The following STK24 variants were observed in gnomAD, a reference collection of about 807,000 sequenced individuals.
The protein encoded by STK24 is serine/threonine-protein kinase 24.
In STK24, 21 loss-of-function variants were observed where a neutral mutation model predicts 55.6. The ratio of observed to expected loss-of-function variants is 0.38; its 90% CI spans 0.27 to 0.54. The LOEUF (loss-of-function observed/expected upper bound fraction) is 0.54. Ranked by LOEUF, STK24 falls within the 20% of genes least tolerant of loss-of-function variation. The pLI, the probability that STK24 is intolerant of heterozygous loss-of-function variation, is 0.79. For missense variants in STK24, 383 were observed against 538.4 expected, an observed-to-expected ratio of 0.71 and a Z score of 2.86; for synonymous variants, 200 against 215.2, an observed-to-expected ratio of 0.93 and a Z score of 0.62.
At chr13:98,513,864 T>C (rs1227668635) in intron 2 of STK24, among the ~76,000 whole-genome samples, 1 of 152,158 alleles carries the variant, frequency 6.6e-6, no homozygotes, top group Non-Finnish European at 1.5e-5. Context: ...CAAGCATATA[T>C]CTGAACTAAA....
intron 2 of STK24, among the ~76,000 whole-genome samples, chr13:98,493,839 A>T (rs1339638613): frequency 2.1e-4 from 30 of 141,562 alleles, no homozygotes; most frequent in African/African-American, 3.9e-4. Flanking sequence ...CAAAAAAAAA[A>T]TTTTTTTTTT....
At chr13:98,456,755 C>T (rs756004073) in intron 10 of STK24, 6 of 353,572 alleles carry the variant, frequency 1.7e-5, no homozygotes, top group Non-Finnish European at 3.3e-5. Flanking sequence ...GCGCCCGCTC[C>T]CGCTGAGTTG....
intron 2 of STK24, among the ~76,000 whole-genome samples, chr13:98,514,196 T>G (rs1389064169): frequency 7.9e-5 from 12 of 152,228 alleles, no homozygotes; most frequent in Admixed American, 5.2e-4. Context: ...AGTTATTAGT[T>G]ATGCGGGGGA....
Position 98,548,237 on chromosome 13 carries a change from A to C in STK24, c.42+28508T>G, listed in dbSNP as rs182960531. On this transcript the variant is annotated intron_variant, in intron 1 of 10. Transcript: ENST00000539966. Reference sequence around the variant, plus strand: ...ATGTTTTCTTATTCTCCTGGGGCTAAAATAAGACAATTTTTTATTTTCCTG... The same window carrying C: ...ATGTTTTCTTATTCTCCTGGGGCTACAATAAGACAATTTTTTATTTTCCTG... Among the ~76,000 whole-genome samples, 332 of 152,334 alleles carry C rather than the reference A, an allele frequency of 2.2e-3. 1 individual carries two copies. The highest frequency in any genetic ancestry group is 3.2e-3 in the Non-Finnish European group (215 of 68,034).
intron 1 of STK24, among the ~76,000 whole-genome samples, chr13:98,524,637 G>A (rs1896369955): frequency 6.6e-6 from 1 of 152,214 alleles, no homozygotes; most frequent in Non-Finnish European, 1.5e-5. Flanking sequence ...TATTGTTTTA[G>A]GTTGCTAAGT....
At chr13:98,501,832 T>C (rs1200534327) in intron 2 of STK24, among the ~76,000 whole-genome samples, 1 of 152,134 alleles carries the variant, frequency 6.6e-6, no homozygotes, top group Non-Finnish European at 1.5e-5. Flanking sequence ...AGGTCCCCAT[T>C]TGGCTTTCCC....
chr13:98,508,174 A>G, intron 2 of STK24, among the ~76,000 whole-genome samples: 1 of 152,226 alleles, frequency 6.6e-6, no homozygotes, highest in Non-Finnish European at 1.5e-5. Flanking sequence ...GAAGAAAAAA[A>G]ATAAATATAT....
chr13:98,466,906 C>T (rs61969407), intron 5 of STK24, among the ~76,000 whole-genome samples: 25,470 of 152,144 alleles, frequency 0.17, 2,630 homozygotes, highest in Non-Finnish European at 0.24. Context: ...TGTACGCTCG[C>T]GAGTCACCCC....
intron 3 of STK24, among the ~76,000 whole-genome samples, chr13:98,481,844 T>C (rs1894594075): frequency 1.3e-5 from 2 of 152,056 alleles, no homozygotes; most frequent in Admixed American, 1.3e-4. Flanking sequence ...GGTCAGGAGT[T>C]TGAGACCAGC....
At chr13:98,478,429 G>T (rs1049191037) in intron 3 of STK24, among the ~76,000 whole-genome samples, 19 of 152,208 alleles carry the variant, frequency 1.2e-4, no homozygotes, top group Non-Finnish European at 2.8e-4. Flanking sequence ...GAGCAAATGT[G>T]CCCCATGCCC....
chr13:98,447,844 CAAAAAAAAAA>C lies in STK24; in HGVS notation c.*5319_*5328del, dbSNP rs1380352766. The C allele has an allele frequency of 2.7e-5, 5 of 184,486 alleles. No homozygotes were observed. In the East Asian group the frequency reaches 8.2e-4, roughly 30 times the overall value. 11.4% of individuals were successfully genotyped at this position (184,486 alleles called of 1,614,324 possible). On this transcript the variant is annotated 3_prime_UTR_variant, in exon 11 of 11. Coordinates refer to ENST00000539966, the MANE Select transcript of STK24 (RefSeq NM_001032296.4). Reference sequence around the variant, plus strand: ...TGAGTGACAGAGCCAGACCCTGTCTCAAAAAAAAAAGAAAAAGAAAAAAGGAAGGGAGAGC... The same window carrying C: ...TGAGTGACAGAGCCAGACCCTGTCTCGAAAAAGAAAAAAGGAAGGGAGAGC...
rs533208266 is a variant in STK24, at chr13:98,466,281, G to A, written c.783+95C>T. The A allele has an allele frequency of 3.2e-6, 4 of 1,234,540 alleles. No individual in the cohort carries two copies. The East Asian group carries it at 1.0e-4, about 31-fold the overall frequency. 76.5% of individuals were successfully genotyped at this position (1,234,540 alleles called of 1,614,324 possible). ...AAAAATGAATAATACCAGGAAGACA[G>A]CTGAAAAGAGTGATTAAAGCAATCC... On this transcript the variant is annotated intron_variant, in intron 6 of 10. Transcript: ENST00000539966.
At chr13:98,546,519 C>T (rs1428092161) in intron 1 of STK24, among the ~76,000 whole-genome samples, 1 of 152,200 alleles carries the variant, frequency 6.6e-6, no homozygotes, top group Non-Finnish European at 1.5e-5. Context: ...GGACTTCCTT[C>T]AGTCCCCTGG....
chr13:98,558,562 T>C (rs1445264175), intron 1 of STK24, among the ~76,000 whole-genome samples: 3 of 152,178 alleles, frequency 2.0e-5, no homozygotes, highest in Non-Finnish European at 4.4e-5. Flanking sequence ...CTCCTCCTCC[T>C]CCTCCAACTC....
intron 2 of STK24, among the ~76,000 whole-genome samples, chr13:98,495,832 G>A (rs4772089): frequency 1.2e-4 from 19 of 152,164 alleles, no homozygotes; most frequent in African/African-American, 4.6e-4. Flanking sequence ...TTGTTTCGTC[G>A]TTGCTGATGT....
chr13:98,521,896 C>T (rs780036486), intron 1 of STK24: 13 of 916,292 alleles, frequency 1.4e-5, no homozygotes, highest in East Asian at 7.2e-5. Context: ...ACCCCCTTCT[C>T]GCTCCTTCTT....
At chr13:98,576,629 C>T (rs1897903493) in intron 1 of STK24, 116 bp downstream of exon 1, 2 of 862,208 alleles carry the variant, frequency 2.3e-6, no homozygotes, top group South Asian at 4.2e-5. Context: ...GCGCGGGGAG[C>T]CAGGCTCCGG....
intron 7 of STK24, among the ~76,000 whole-genome samples, chr13:98,462,396 C>T (rs1007171792): frequency 6.6e-5 from 10 of 152,134 alleles, no homozygotes; most frequent in Non-Finnish European, 1.2e-4. Context: ...CGTGTCCCTC[C>T]GAGCGCTCCC....
intron 1 of STK24, chr13:98,521,975 C>T (rs1412062371): frequency 1.8e-5 from 25 of 1,420,830 alleles, no homozygotes; most frequent in South Asian, 2.8e-5. Context: ...TTAAAACAAA[C>T]GAAAGCACTC....
Sources: allele counts gnomAD v4.1 joint callset (sites outside exome capture counted in the v4.1 genomes callset), GRCh38; gene constraint gnomAD v4.1.1; transcripts MANE v1.5; gene names NCBI Gene and HGNC (gene_info 2026-07-23, HGNC 2026-07-21).